GGNBP2: variants seen among roughly 807,000 people sequenced by gnomAD.
GGNBP2 encodes gametogenetin-binding protein 2.
A neutral mutation model predicts 85.9 loss-of-function variants in GGNBP2; 10 were observed. The ratio of observed to expected loss-of-function variants is 0.12; its 90% CI spans 0.07 to 0.20. The LOEUF is 0.20. Ranked by LOEUF, GGNBP2 falls within the 10% of genes least tolerant of loss-of-function variation. The probability of loss-of-function intolerance (pLI) is 1.00; values close to 1 mark genes in which losing one functional copy is unlikely to be tolerated. For missense variants in GGNBP2, 595 were observed against 857.8 expected, an observed-to-expected ratio of 0.69 and a Z score of 3.83; for synonymous variants, 287 against 285.7, an observed-to-expected ratio of 1.00 and a Z score of -0.05.
intron 8 of GGNBP2, among the ~76,000 whole-genome samples, chr17:36,581,013 G>A (rs962293083): frequency 2.0e-5 from 3 of 152,110 alleles, no homozygotes; most frequent in Non-Finnish European, 2.9e-5. Context: ...GACCGGGCAC[G>A]GTGGCTCACG....
At chr17:36,572,693 C>CA (rs2074538320) in intron 6 of GGNBP2, among the ~76,000 whole-genome samples, 1 of 152,020 alleles carries the variant, frequency 6.6e-6, no homozygotes, top group Admixed American at 6.6e-5. Flanking sequence ...GACCCTGTCT[C>CA]AAAAAACCGT....
At chr17:36,559,445 C>T (rs1433440651) in intron 4 of GGNBP2, among the ~76,000 whole-genome samples, 1 of 151,280 alleles carries the variant, frequency 6.6e-6, no homozygotes, top group African/African-American at 2.4e-5. Flanking sequence ...TCAGAGAGGT[C>T]TGGGTTAGAG....
chr17:36,579,051 T>A (rs1274026090), intron 7 of GGNBP2, 194 bp from the exon 8 acceptor site: 1 of 543,964 alleles, frequency 1.8e-6, no homozygotes, highest in African/African-American at 1.9e-5. Flanking sequence ...GAGGACTAAA[T>A]TCTACTTGCA....
rs1271544008 is a variant in GGNBP2, at chr17:36,554,746, T to G, written c.94-74T>G. 3 of 996,296 alleles carry G rather than the reference T, an allele frequency of 3.0e-6. No homozygotes were observed. In the East Asian group the frequency reaches 7.1e-5, roughly 24 times the overall value. 61.7% of individuals were successfully genotyped at this position (996,296 alleles called of 1,614,324 possible). A position where few individuals can be genotyped will look rare whatever the true frequency, so the allele number is the denominator to read the frequency against. ...GCAAATCTGGCTTTCACGGGTCTAT[T>G]TCTGGAGTTTGTAGGCTGTATCCTG... On this transcript the variant is annotated intron_variant, in intron 2 of 13. Coordinates refer to ENST00000613102, the MANE Select transcript of GGNBP2 (RefSeq NM_024835.5).
intron 13 of GGNBP2, among the ~76,000 whole-genome samples, chr17:36,588,527 A>G (rs533064208): frequency 1.5e-4 from 23 of 152,172 alleles, no homozygotes; most frequent in Admixed American, 1.4e-3. Flanking sequence ...AAGTGCTGGG[A>G]TTACAGGCGT....
chr17:36,550,682 A>G (rs2074300311), intron 2 of GGNBP2, among the ~76,000 whole-genome samples: 1 of 152,230 alleles, frequency 6.6e-6, no homozygotes. Flanking sequence ...AATTGATTCA[A>G]TAAACTTTAT....
intron 4 of GGNBP2, 26 bp from the exon 5 acceptor site, chr17:36,560,747 C>T: frequency 8.4e-7 from 1 of 1,196,072 alleles, no homozygotes; most frequent in Non-Finnish European, 1.2e-6. Context: ...TGAATTAAAC[C>T]CTTAATATGT....
chr17:36,545,901 C>A, intron 2 of GGNBP2, 84 bp downstream of exon 2: 1 of 971,000 alleles, frequency 1.0e-6, no homozygotes, highest in Non-Finnish European at 1.6e-6. Context: ...GAGCGCTGCG[C>A]ACTGGAGAAA....
intron 5 of GGNBP2, among the ~76,000 whole-genome samples, chr17:36,562,906 A>G (rs1462699841): frequency 7.8e-6 from 1 of 127,580 alleles, no homozygotes; most frequent in African/African-American, 3.0e-5. Flanking sequence ...TGGAGGTTGC[A>G]GTGAGCTGAG....
chr17:36,586,917 C>CTTTTTTT, intron 12 of GGNBP2, 80 bp from the exon 13 acceptor site: 3 of 1,069,448 alleles, frequency 2.8e-6, no homozygotes, highest in Non-Finnish European at 3.8e-6. Flanking sequence ...CCGTGCCCCG[C>CTTTTTTT]TTTTTTTTTT....
At position 36,585,275 on chromosome 17, in the gene GGNBP2, T is replaced by C. The variant is rs2050745170; in HGVS notation, c.1216-25T>C. 5 of 1,596,382 alleles carry C rather than the reference T, an allele frequency of 3.1e-6. No individual in the cohort carries two copies. In the African/African-American group the frequency reaches 4.1e-5, roughly 13 times the overall value. On this transcript the variant is annotated intron_variant, in intron 9 of 13. Transcript: ENST00000613102. The stretch of plus-strand genomic sequence containing the variant: ...GCTGTTATGGAGTAAAGCTCTTGAC[T>C]CTCTCTTAATGTTGATCCTTAAAGG...
chr17:36,555,881 A>G (rs1490144397), intron 3 of GGNBP2, among the ~76,000 whole-genome samples: 1 of 152,172 alleles, frequency 6.6e-6, no homozygotes, highest in African/African-American at 2.4e-5. Context: ...CCTGTCAAAT[A>G]TTTTCGATCC....
chr17:36,586,025 T>G, intron 11 of GGNBP2, 25 bp from the exon 12 acceptor site: 3 of 1,613,530 alleles, frequency 1.9e-6, no homozygotes, highest in East Asian at 2.2e-5. Context: ...AGAACATAAA[T>G]AAGAAGGATT....
chr17:36,587,290 G>A (rs1376433496), intron 13 of GGNBP2, 45 bp downstream of exon 13: 1 of 1,596,198 alleles, frequency 6.3e-7, no homozygotes, highest in Non-Finnish European at 8.6e-7. Flanking sequence ...GTTTGGGAAC[G>A]GGGTGGATGT....
At chr17:36,588,014 C>A (rs1599555470) in intron 13 of GGNBP2, among the ~76,000 whole-genome samples, 1 of 152,302 alleles carries the variant, frequency 6.6e-6, no homozygotes, top group East Asian at 1.9e-4. Flanking sequence ...GCAAACTTTG[C>A]CTTTCTGATT....
chr17:36,580,193 C>CTTTCT (rs200097299), intron 8 of GGNBP2, among the ~76,000 whole-genome samples: 1 of 149,076 alleles, frequency 6.7e-6, no homozygotes, highest in Non-Finnish European at 1.5e-5. Context: ...ATTTTTCTTT[C>CTTTCT]TTTCTTTTCT....
intron 9 of GGNBP2, 151 bp from the exon 10 acceptor site, chr17:36,585,149 C>A (rs890529247): frequency 8.6e-5 from 53 of 619,346 alleles, no homozygotes; most frequent in African/African-American, 8.2e-4. Context: ...ATATCTTTAC[C>A]CACCATTACT....
chr17:36,564,506 A>G (rs1224149921), intron 5 of GGNBP2, among the ~76,000 whole-genome samples: 4 of 152,190 alleles, frequency 2.6e-5, no homozygotes, highest in Admixed American at 2.6e-4. Flanking sequence ...CTACAGTTCC[A>G]CTACATGGGA....
intron 12 of GGNBP2, chr17:36,586,595 A>G (rs1186559121): frequency 1.2e-5 from 3 of 258,388 alleles, no homozygotes; most frequent in East Asian, 1.8e-4. Flanking sequence ...ACTATTACTT[A>G]GTATTCCTTC....
Sources: allele counts gnomAD v4.1 joint callset (sites outside exome capture counted in the v4.1 genomes callset), GRCh38; gene constraint gnomAD v4.1.1; transcripts MANE v1.5; gene names NCBI Gene and HGNC (gene_info 2026-07-23, HGNC 2026-07-21).